The following CSMD2 variants were observed in gnomAD, a reference collection of about 807,000 sequenced individuals.
CSMD2 encodes the protein CUB and Sushi multiple domains 2, also known as CUB and sushi domain-containing protein 2.
A neutral mutation model predicts 398.5 loss-of-function variants in CSMD2; 130 were observed. That is an observed-to-expected ratio of 0.33 (90% CI 0.28 to 0.38). The LOEUF (loss-of-function observed/expected upper bound fraction) is 0.38, where lower values mean the gene tolerates loss of function less well. Ranked by LOEUF, CSMD2 falls within the 10% of genes least tolerant of loss-of-function variation. CSMD2 has a pLI of 1.00. For synonymous variants in CSMD2, 1,828 were observed against 1,908.5 expected (o/e 0.96, Z 1.10); for missense variants, 3,829 against 4,764.9 (o/e 0.80, Z 5.78).
intron 3 of CSMD2, among the ~76,000 whole-genome samples, chr1:33,952,823 T>C (rs1344149895): frequency 6.6e-6 from 1 of 152,204 alleles, no homozygotes; most frequent in East Asian, 1.9e-4. Context: ...AACTATTTCT[T>C]GAATCAACGA....
intron 5 of CSMD2, among the ~76,000 whole-genome samples, chr1:33,878,841 G>C (rs1641031675): frequency 6.6e-6 from 1 of 152,226 alleles, no homozygotes; most frequent in Non-Finnish European, 1.5e-5. Context: ...GCCCTGGGGA[G>C]GGGGACAGGG....
At chr1:34,085,062 G>A (rs1657699950) in intron 2 of CSMD2, among the ~76,000 whole-genome samples, 1 of 152,150 alleles carries the variant, frequency 6.6e-6, no homozygotes, top group Non-Finnish European at 1.5e-5. Context: ...AAAAAATGAT[G>A]AGTTCATGTC....
chr1:33,688,868 A>C (rs1276603171), intron 25 of CSMD2, among the ~76,000 whole-genome samples: 1 of 152,196 alleles, frequency 6.6e-6, no homozygotes, highest in Non-Finnish European at 1.5e-5. Context: ...TTCTATAAAG[A>C]TATTTCTAAT....
chr1:33,822,543 C>G (rs765827667), intron 7 of CSMD2, among the ~76,000 whole-genome samples: 24 of 152,164 alleles, frequency 1.6e-4, no homozygotes, highest in Non-Finnish European at 2.9e-4. Flanking sequence ...TACCCCTACC[C>G]CTACTTGTCT....
At chr1:34,121,350 C>G (rs1440234279) in intron 1 of CSMD2, among the ~76,000 whole-genome samples, 2 of 152,194 alleles carry the variant, frequency 1.3e-5, no homozygotes, top group Non-Finnish European at 2.9e-5. Context: ...ATCTACTATA[C>G]AGTCCCTGTC....
At chr1:33,543,022 C>T (rs771313915) in intron 57 of CSMD2, 126 bp from the exon 58 acceptor site, 4 of 680,776 alleles carry the variant, frequency 5.9e-6, no homozygotes, top group Non-Finnish European at 9.8e-6. Context: ...GCCTCTCATG[C>T]TGCTTTTGTA....
At chr1:34,059,065 G>A (rs1260608639) in intron 2 of CSMD2, among the ~76,000 whole-genome samples, 1 of 152,160 alleles carries the variant, frequency 6.6e-6, no homozygotes, top group Non-Finnish European at 1.5e-5. Flanking sequence ...AAGCATGAGG[G>A]GTCATGGCAG....
In CSMD2 at chr1:33,709,227, C is replaced by T. The variant is rs572507223; in HGVS notation, c.3438G>A (p.Gln1146=). 1.7e-5 allele frequency: 28 copies of T among 1,613,894 alleles called. No homozygotes were observed. In the South Asian group the frequency reaches 2.9e-4, roughly 16 times the overall value. ...AECGNSVTGT[Q]GTLLSPNFPV... ...GAAAGTTGGGGGACAGCAAAGTACC[C>T]TGAGTGCCTGTGACTGAATTCCCAC... is the stretch of plus-strand genomic sequence containing the variant. Residue 1146 remains glutamine (Q), a synonymous_variant, in exon 22 of 71, where the codon CAG becomes CAA. Transcript: ENST00000373381.
intron 13 of CSMD2, among the ~76,000 whole-genome samples, chr1:33,760,055 T>G (rs1296244850): frequency 1.3e-5 from 2 of 152,216 alleles, no homozygotes; most frequent in Non-Finnish European, 2.9e-5. Context: ...CTGGACCCTG[T>G]TACCTGTATC....
intron 3 of CSMD2, among the ~76,000 whole-genome samples, chr1:33,980,389 T>C (rs1646124696): frequency 6.6e-6 from 1 of 152,150 alleles, no homozygotes; most frequent in African/African-American, 2.4e-5. Context: ...GGTTTCCTAG[T>C]AGGTCAGGTC....
intron 37 of CSMD2, 24 bp from the exon 38 acceptor site, chr1:33,617,641 A>C: frequency 6.3e-7 from 1 of 1,583,760 alleles, no homozygotes; most frequent in Non-Finnish European, 8.7e-7. Context: ...AGACAGAAGG[A>C]AAGGAGAATG....
At chr1:33,574,837 G>A (rs1435642975) in intron 49 of CSMD2, among the ~76,000 whole-genome samples, 1 of 152,210 alleles carries the variant, frequency 6.6e-6, no homozygotes, top group Non-Finnish European at 1.5e-5. Flanking sequence ...GTGGAACTAG[G>A]TTAGCTAAGC....
intron 29 of CSMD2, among the ~76,000 whole-genome samples, chr1:33,643,097 T>TAA (rs1315899862): frequency 6.6e-6 from 1 of 152,188 alleles, no homozygotes; most frequent in African/African-American, 2.4e-5. Context: ...TGGATCTCTC[T>TAA]AAAAGACATG....
At chr1:33,855,271 A>C (rs1003071549) in intron 5 of CSMD2, among the ~76,000 whole-genome samples, 1 of 152,120 alleles carries the variant, frequency 6.6e-6, no homozygotes, top group Non-Finnish European at 1.5e-5. Flanking sequence ...AGCCATGTAC[A>C]TCATATGACC....
chr1:33,534,364 TTG>T (rs1655560654), intron 62 of CSMD2, among the ~76,000 whole-genome samples: 1 of 152,218 alleles, frequency 6.6e-6, no homozygotes, highest in African/African-American at 2.4e-5. Context: ...AAATTAAATA[TTG>T]TGTGTGTGTT....
At chr1:33,899,553 A>C (rs1487862156) in intron 5 of CSMD2, among the ~76,000 whole-genome samples, 1 of 152,210 alleles carries the variant, frequency 6.6e-6, no homozygotes, top group African/African-American at 2.4e-5. Context: ...TTGGTACCCT[A>C]CACATAGTAA....
At chr1:33,895,157 C>T (rs150298381) in intron 5 of CSMD2, among the ~76,000 whole-genome samples, 28 of 152,290 alleles carry the variant, frequency 1.8e-4, no homozygotes, top group South Asian at 6.2e-4. Flanking sequence ...AAATTGACAA[C>T]AGCCCTAAGA....
intron 13 of CSMD2, 115 bp from the exon 14 acceptor site, chr1:33,743,721 G>C (rs1407257661): frequency 2.6e-6 from 2 of 775,336 alleles, no homozygotes; most frequent in East Asian, 2.7e-5. Context: ...AGAAAGAGTG[G>C]CACAAGGGTT....
intron 5 of CSMD2, among the ~76,000 whole-genome samples, chr1:33,911,333 C>T (rs1643433034): frequency 6.6e-6 from 1 of 152,190 alleles, no homozygotes; most frequent in South Asian, 2.1e-4. Context: ...GTGCAATTCT[C>T]ATTCTAACTA....
Sources: gnomAD v4.1 joint callset for allele counts (sites outside exome capture counted in the v4.1 genomes callset) on GRCh38, gnomAD v4.1.1 for gene constraint, MANE v1.5 for transcripts, NCBI Gene and HGNC (gene_info 2026-07-23, HGNC 2026-07-21) for gene names.